The following SETDB1 variants were observed in gnomAD, a reference collection of about 807,000 sequenced individuals.
SETDB1 encodes the protein SET domain bifurcated histone lysine methyltransferase 1.
SETDB1 carries 31 observed loss-of-function variants against 137.4 expected under a neutral mutation model. The observed-to-expected ratio is 0.23, with a 90% CI of 0.17 to 0.30. The LOEUF (loss-of-function observed/expected upper bound fraction) is 0.30, where lower values mean the gene tolerates loss of function less well. SETDB1 is among the 10% of genes least tolerant of loss of function. The pLI, the probability that SETDB1 is intolerant of heterozygous loss-of-function variation, is 1.00. For synonymous variants in SETDB1, 548 were observed against 579.9 expected (o/e 0.95, Z 0.79); for missense variants, 1,113 against 1,631.5 (o/e 0.68, Z 5.47).
chr1:150,941,472 T>C, intron 5 of SETDB1, 44 bp downstream of exon 5: 1 of 1,178,744 alleles, frequency 8.5e-7, no homozygotes, highest in South Asian at 1.2e-5. Context: ...AGGTGAATTC[T>C]TACAGAGATT....
At chr1:150,934,715 A>G (rs1016992471) in intron 3 of SETDB1, among the ~76,000 whole-genome samples, 3 of 152,150 alleles carry the variant, frequency 2.0e-5, no homozygotes, top group African/African-American at 7.2e-5. Context: ...GATCTGAGTT[A>G]TCATCCAGTG....
intron 14 of SETDB1, among the ~76,000 whole-genome samples, chr1:150,957,455 T>G (rs1286183377): frequency 6.6e-6 from 1 of 152,224 alleles, no homozygotes; most frequent in Non-Finnish European, 1.5e-5. Context: ...CTTACCATCT[T>G]TATCTGGAGA....
In SETDB1 at chr1:150,956,589, T is replaced by G. The variant is rs1010363841; in HGVS notation, c.2334-2589T>G. On this transcript the variant is annotated intron_variant, in intron 14 of 21. Coordinates refer to ENST00000692827, the MANE Select transcript of SETDB1 (RefSeq NM_001366418.1). ...GTCCCCAGTGGGGTTTTAAGGGACC[T>G]AACAAAGTTGTTTCTTGATCTGGTG... Among the ~76,000 whole-genome samples the G allele has an allele frequency of 4.6e-5, 7 of 152,332 alleles. No individual in the cohort carries two copies. The South Asian group carries it at 1.2e-3, about 27-fold the overall frequency.
rs754398377 is a variant in SETDB1 at position 150,950,677 on chromosome 1, G to T, written c.1803G>T (p.Leu601=). Residue 601 remains leucine (L), a synonymous_variant, in exon 13 of 22, where the codon CTG becomes CTT. Coordinates refer to ENST00000692827, the MANE Select transcript of SETDB1 (RefSeq NM_001366418.1). ...RNEQYRGKNP[L]LVPLLYDFRR... Reference sequence around the variant, plus strand: ...AGCAGTACCGGGGCAAGAACCCTCTGCTGGTCCCGTTACTATATGACTTCC... The same window carrying T: ...AGCAGTACCGGGGCAAGAACCCTCTTCTGGTCCCGTTACTATATGACTTCC... 2.5e-6 allele frequency: 4 copies of T among 1,614,084 alleles called. No individual in the cohort carries two copies. In the African/African-American group the frequency reaches 5.3e-5, roughly 22 times the overall value.
intron 10 of SETDB1, among the ~76,000 whole-genome samples, chr1:150,948,517 C>T (rs753146167): frequency 5.3e-5 from 8 of 151,888 alleles, no homozygotes; most frequent in South Asian, 2.1e-4. Context: ...GTGATCTGCC[C>T]GCCTCAGCCT....
chr1:150,961,104 T>TG lies in SETDB1; in HGVS notation c.3050dup (p.Ser1018LysfsTer6). 1 of 1,121,078 alleles carries TG rather than the reference T, an allele frequency of 8.9e-7. No homozygotes were observed. Among genetic ancestry groups the TG allele is most frequent in the Non-Finnish European group, 1.3e-6 (1 of 762,920 alleles). The allele number at this position is 1,121,078 out of a possible 1,614,324, so 69.4% of individuals were successfully genotyped here. A position where few individuals can be genotyped will look rare whatever the true frequency, so the allele number is the denominator to read the frequency against. On this transcript the variant is annotated frameshift_variant, in exon 16 of 22. Coordinates refer to ENST00000692827, the MANE Select transcript of SETDB1 (RefSeq NM_001366418.1). LOFTEE classifies it high-confidence loss of function. ...CTAATGAAGGTGGGGAGGGCCGGGC[T>TG]GGGGGAAGCCGAATGGAGGCTGAGA...
chr1:150,947,811 A>T (rs1236875233), intron 10 of SETDB1, among the ~76,000 whole-genome samples: 1 of 152,128 alleles, frequency 6.6e-6, no homozygotes, highest in African/African-American at 2.4e-5. Context: ...TTTCTTTTTT[A>T]ATATTACTGT....
At chr1:150,943,869 T>A (rs1383204926) in intron 7 of SETDB1, 51 bp from the exon 8 acceptor site, 1 of 1,102,226 alleles carries the variant, frequency 9.1e-7, no homozygotes, top group African/African-American at 1.5e-5. Context: ...CTGTGGATCA[T>A]GTTAAATATC....
chr1:150,961,885 T>C (rs923883817), intron 16 of SETDB1: 69 of 587,780 alleles, frequency 1.2e-4, no homozygotes, highest in Middle Eastern at 1.1e-3. Flanking sequence ...CTGTCCCTGG[T>C]TGATGTAATC....
chr1:150,948,103 C>CT (rs1466832907), intron 10 of SETDB1, among the ~76,000 whole-genome samples: 1 of 151,798 alleles, frequency 6.6e-6, no homozygotes, highest in African/African-American at 2.4e-5. Flanking sequence ...TGGTGTGCAC[C>CT]TGTAGCCTTA....
intron 10 of SETDB1, among the ~76,000 whole-genome samples, 194 bp downstream of exon 10, chr1:150,947,206 C>G (rs960273353): frequency 6.6e-6 from 1 of 152,182 alleles, no homozygotes; most frequent in Non-Finnish European, 1.5e-5. Flanking sequence ...CTAATTTGTT[C>G]TAAACAACCA....
chr1:150,963,006 T>C lies in SETDB1; in HGVS notation c.3327T>C (p.Ser1109=), dbSNP rs1287269721. ...DVLTLSSSTE[S]EGESGTSRKP... The stretch of plus-strand genomic sequence containing the variant: ...TGACACTGTCCAGCAGCACAGAAAG[T>C]GAGGGGGAAAGTGGGACCAGCCGAA... The change falls in exon 19 of 22, where the codon AGT becomes AGC. Residue 1109 remains serine, a synonymous_variant. Transcript: ENST00000692827. 2 of 1,613,876 alleles carry C rather than the reference T, an allele frequency of 1.2e-6. No individual in the cohort carries two copies. The highest frequency in any genetic ancestry group is 2.2e-5 in the South Asian group (2 of 91,064).
rs749586165 is a variant in SETDB1, at chr1:150,949,172, G to A, written c.1318G>A (p.Gly440Ser). The change falls in exon 11 of 22, where the codon GGT (glycine) becomes AGT (serine). Residue 440 changes from glycine to serine, a missense_variant. Gly to Ser is a moderately conservative substitution (Grantham distance 56). This residue lies in a region of SETDB1 where 192 missense variants were observed against 198.1 expected (regional missense o/e 0.97). Coordinates refer to ENST00000692827, the MANE Select transcript of SETDB1 (RefSeq NM_001366418.1). ...TGTCCAGTACACACAGGATCTGACC[G>A]GTACTGGAACCCAGTTCAAGCCAGT... Reference protein sequence around the residue: ...PVVQYTQDLTGTGTQFKPVEP... With the variant: ...PVVQYTQDLTSTGTQFKPVEP... The A allele has an allele frequency of 1.1e-5, 17 of 1,613,872 alleles. No homozygotes were observed. The highest frequency in any genetic ancestry group is 3.3e-5 in the Admixed American group (2 of 59,960).
At chr1:150,926,886 T>C in intron 1 of SETDB1, 3 of 531,032 alleles carry the variant, frequency 5.6e-6, no homozygotes, top group Non-Finnish European at 1.2e-5. Flanking sequence ...CTTTCGTGTG[T>C]TTGAATATCA....
intron 14 of SETDB1, 106 bp downstream of exon 14, chr1:150,951,587 A>G (rs1670491697): frequency 9.9e-6 from 6 of 606,316 alleles, no homozygotes; most frequent in Admixed American, 3.0e-5. Context: ...GGAACCAAAA[A>G]TAGAATACCA....
At chr1:150,959,637 C>T (rs1442206293) in intron 15 of SETDB1, among the ~76,000 whole-genome samples, 1 of 152,184 alleles carries the variant, frequency 6.6e-6, no homozygotes, top group East Asian at 1.9e-4. Context: ...TCCCATGTCA[C>T]TCCACTCAGA....
chr1:150,964,416 G>A lies in SETDB1; in HGVS notation c.*52G>A. 7.5e-6 allele frequency: 10 copies of A among 1,330,598 alleles called. No individual in the cohort carries two copies. The highest frequency in any genetic ancestry group is 9.7e-6 in the Non-Finnish European group (9 of 930,496). The allele number at this position is 1,330,598 out of a possible 1,614,324, so 82.4% of individuals were successfully genotyped here. A position where few individuals can be genotyped will look rare whatever the true frequency, so the allele number is the denominator to read the frequency against. ...TGAACTGTCGTTTCCTCAGGAACTG[G>A]GTCTTCCTGATTGTTGAACCCTGAC... On this transcript the variant is annotated 3_prime_UTR_variant, in exon 22 of 22. Transcript: ENST00000692827.
intron 3 of SETDB1, among the ~76,000 whole-genome samples, chr1:150,933,779 CTTTTTTTTTTTTTTTT>C (rs890205371): frequency 5.0e-5 from 1 of 20,114 alleles, no homozygotes; most frequent in African/African-American, 9.0e-5. Flanking sequence ...TTTTCTTTTT[CTTTTTTTTTTTTTTTT>C]TTTTGAGATG....
chr1:150,949,758 C>A (rs374567746), intron 12 of SETDB1, among the ~76,000 whole-genome samples: 11 of 152,308 alleles, frequency 7.2e-5, no homozygotes, highest in African/African-American at 2.4e-4. Flanking sequence ...TTTGTTAAAA[C>A]TTCTTGTTGA....
Sources: gnomAD v4.1 joint callset for allele counts (sites outside exome capture counted in the v4.1 genomes callset) on GRCh38, gnomAD v4.1.1 for gene constraint, gnomAD v4.1.1 regional missense constraint, MANE v1.5 for transcripts, NCBI Gene and HGNC (gene_info 2026-07-23, HGNC 2026-07-21) for gene names.